The following CLVS1 variants were observed in gnomAD, a reference collection of about 807,000 sequenced individuals.
The protein encoded by CLVS1 is clavesin 1.
A neutral mutation model predicts 33.1 loss-of-function variants in CLVS1; 10 were observed. That is an observed-to-expected ratio of 0.30 (90% confidence interval 0.19 to 0.51). CLVS1 has a LOEUF of 0.51. Among genes scored for constraint, CLVS1 ranks in the 20% least tolerant of loss-of-function variants. CLVS1 has a pLI of 0.97. For synonymous variants in CLVS1, 163 were observed against 166.1 expected (o/e 0.98, Z 0.14); for missense variants, 343 against 433.4 (o/e 0.79, Z 1.85).
At chr8:61,226,308 A>C (rs1808328535) in intron 2 of CLVS1, among the ~76,000 whole-genome samples, 1 of 152,232 alleles carries the variant, frequency 6.6e-6, no homozygotes. Context: ...GTGAATAATA[A>C]ATGTCACTTT....
At chr8:61,148,907 G>A (rs1164765389) in intron 2 of CLVS1, among the ~76,000 whole-genome samples, 1 of 152,168 alleles carries the variant, frequency 6.6e-6, no homozygotes, top group Non-Finnish European at 1.5e-5. Context: ...GCAGAAAGAG[G>A]ACTGGAAATA....
At chr8:61,241,541 A>C (rs1808698040) in intron 2 of CLVS1, among the ~76,000 whole-genome samples, 1 of 152,176 alleles carries the variant, frequency 6.6e-6, no homozygotes, top group African/African-American at 2.4e-5. Context: ...AAAAAGTATA[A>C]AAATTAAAAA....
At chr8:61,083,921 T>A (rs1805072081) in intron 1 of CLVS1, among the ~76,000 whole-genome samples, 2 of 152,228 alleles carry the variant, frequency 1.3e-5, no homozygotes, top group South Asian at 4.1e-4. Context: ...TACTATATTC[T>A]GGTAAATTTC....
At chr8:60,993,510 A>G in the CLVS1 span, among the ~76,000 whole-genome samples, 1 of 152,216 alleles carries the variant, frequency 6.6e-6, no homozygotes, top group Non-Finnish European at 1.5e-5. Context: ...CATCTATTAG[A>G]TGGGCATAAC....
chr8:61,205,510 G>T (rs528073679), intron 2 of CLVS1, among the ~76,000 whole-genome samples: 1 of 152,168 alleles, frequency 6.6e-6, no homozygotes, highest in Non-Finnish European at 1.5e-5. Flanking sequence ...ACTCATCAGT[G>T]GATACTTGGG....
At chr8:61,127,425 G>A (rs933076806) in intron 1 of CLVS1, among the ~76,000 whole-genome samples, 1 of 152,040 alleles carries the variant, frequency 6.6e-6, no homozygotes, top group African/African-American at 2.4e-5. Context: ...CACCATGTTG[G>A]TCAGGCTGGT....
chr8:61,269,126 T>C (rs1331707106), intron 2 of CLVS1, among the ~76,000 whole-genome samples: 5 of 148,702 alleles, frequency 3.4e-5, no homozygotes, highest in African/African-American at 5.0e-5. Flanking sequence ...GCCTAGGTTT[T>C]CTTCTAGGGT....
At chr8:61,328,943 C>T (rs1811487504) in intron 2 of CLVS1, among the ~76,000 whole-genome samples, 1 of 152,156 alleles carries the variant, frequency 6.6e-6, no homozygotes, top group Non-Finnish European at 1.5e-5. Context: ...TGCTGAATGG[C>T]ATACCATGTC....
chr8:61,294,743 A>ATG (rs10671855), intron 1 of CLVS1, among the ~76,000 whole-genome samples: 40,287 of 152,020 alleles, frequency 0.27, 7,851 homozygotes, highest in East Asian at 0.84. Context: ...GATATATTGT[A>ATG]TGTGTTTCTG....
intron 2 of CLVS1, among the ~76,000 whole-genome samples, chr8:61,190,303 T>C (rs1231256797): frequency 2.0e-5 from 3 of 152,140 alleles, no homozygotes; most frequent in Admixed American, 6.6e-5. Flanking sequence ...AAGGCAGAAA[T>C]AAAGATGTTC....
At chr8:61,332,600 T>C (rs1357849750) in intron 2 of CLVS1, among the ~76,000 whole-genome samples, 2 of 152,224 alleles carry the variant, frequency 1.3e-5, no homozygotes, top group South Asian at 2.1e-4. Flanking sequence ...TTTACTCTTA[T>C]GTAAATGGAG....
At chr8:61,347,521 C>T (rs531489875) in intron 2 of CLVS1, among the ~76,000 whole-genome samples, 10 of 150,680 alleles carry the variant, frequency 6.6e-5, no homozygotes, top group African/African-American at 2.2e-4. Context: ...AGAATTTCAG[C>T]TAGATAAAAG....
intron 2 of CLVS1, among the ~76,000 whole-genome samples, chr8:61,163,299 G>C (rs757040150): frequency 2.6e-5 from 4 of 152,152 alleles, no homozygotes; most frequent in South Asian, 2.1e-4. Flanking sequence ...CTTTGGGAAT[G>C]CTTCTTACCT....
At chr8:61,389,070 G>A (rs1233669988) in intron 3 of CLVS1, among the ~76,000 whole-genome samples, 1 of 152,114 alleles carries the variant, frequency 6.6e-6, no homozygotes, top group African/African-American at 2.4e-5. Flanking sequence ...TTAACATAAT[G>A]TACACACTTT....
intron 1 of CLVS1, among the ~76,000 whole-genome samples, chr8:61,100,837 T>C (rs1462419845): frequency 6.6e-6 from 1 of 152,230 alleles, no homozygotes; most frequent in East Asian, 1.9e-4. Flanking sequence ...ATGGTCCTTT[T>C]GACTGGCTTC....
At chr8:61,157,708 A>T (rs1037485671) in intron 2 of CLVS1, among the ~76,000 whole-genome samples, 2 of 152,082 alleles carry the variant, frequency 1.3e-5, no homozygotes, top group South Asian at 2.1e-4. Context: ...CAATAATAAA[A>T]AAGACAACAA....
chr8:60,972,317 T>C, the CLVS1 span, among the ~76,000 whole-genome samples: 1 of 152,202 alleles, frequency 6.6e-6, no homozygotes, highest in South Asian at 2.1e-4. Context: ...AAAGTACCCA[T>C]GGTCATTCCT....
intron 1 of CLVS1, among the ~76,000 whole-genome samples, chr8:61,063,260 CGAGAGAGAGAGAGA>C (rs555022524): frequency 2.9e-4 from 24 of 81,992 alleles, no homozygotes; most frequent in Non-Finnish European, 4.1e-4. Flanking sequence ...AGTGAGGAAG[CGAGAGAGAGAGAGA>C]GAGAGAGAGA....
intron 1 of CLVS1, among the ~76,000 whole-genome samples, chr8:61,093,452 A>G (rs1307702759): frequency 6.6e-6 from 1 of 152,146 alleles, no homozygotes; most frequent in Non-Finnish European, 1.5e-5. Context: ...TTTTTCCCAA[A>G]TGCTGGAAAA....
Sources: gnomAD v4.1 joint callset for allele counts (sites outside exome capture counted in the v4.1 genomes callset) on GRCh38, gnomAD v4.1.1 for gene constraint, MANE v1.5 for transcripts, NCBI Gene and HGNC (gene_info 2026-07-23, HGNC 2026-07-21) for gene names.